The following MUC12 variants were observed in gnomAD, a reference collection of about 807,000 sequenced individuals.
MUC12 encodes mucin 12, cell surface associated, also known as mucin-12.
A neutral mutation model predicts 230.8 loss-of-function variants in MUC12; 172 were observed. That is an observed-to-expected ratio of 0.75 (90% CI 0.66 to 0.85). MUC12 has a LOEUF of 0.85. Ranked by LOEUF, MUC12 falls within the 40% of genes least tolerant of loss-of-function variation. MUC12 has a pLI of 0.00. For synonymous variants in MUC12, 1,259 were observed against 2,401.9 expected (o/e 0.52, Z 13.91); for missense variants, 3,506 against 5,920.6 (o/e 0.59, Z 13.38).
chr7:101,007,273 T>C lies in MUC12; in HGVS notation c.15058+701T>C, dbSNP rs144116671. On this transcript the variant is annotated intron_variant, in intron 3 of 11. Transcript: ENST00000536621. The stretch of plus-strand genomic sequence containing the variant: ...CGCGCCCAGCTATTTTAGTTGTTTT[T>C]AAATGTTCAATTAAATTATTATTGA... Among the ~76,000 whole-genome samples, 232 of 152,340 alleles carry C rather than the reference T, an allele frequency of 1.5e-3. 2 individuals are homozygous for C. The highest frequency in any genetic ancestry group is 5.1e-3 in the African/African-American group (214 of 41,576).
chr7:101,011,417 AC>A (rs1245286673), intron 5 of MUC12, among the ~76,000 whole-genome samples: 1 of 151,958 alleles, frequency 6.6e-6, no homozygotes, highest in African/African-American at 2.4e-5. Flanking sequence ...TTAGAAACTT[AC>A]CTTTTTCTTT....
intron 11 of MUC12, 64 bp from the exon 12 acceptor site, chr7:101,018,531 C>T (rs368318030): frequency 2.6e-6 from 4 of 1,509,744 alleles, no homozygotes; most frequent in Non-Finnish European, 3.6e-6. Context: ...CTCCCTCTTC[C>T]TCCTGGGGCT....
intron 1 of MUC12, among the ~76,000 whole-genome samples, chr7:100,981,170 T>G (rs1215496458): frequency 6.6e-6 from 1 of 152,236 alleles, no homozygotes; most frequent in African/African-American, 2.4e-5. Flanking sequence ...GTTGGCTATT[T>G]GAGTTTCTTT....
chr7:100,981,296 T>C (rs994405144), intron 1 of MUC12: 2 of 493,400 alleles, frequency 4.1e-6, no homozygotes, highest in Non-Finnish European at 7.2e-6. Flanking sequence ...GGGACACCGT[T>C]GCCACCAGAA....
At chr7:100,987,079 T>A (rs1040421309) in intron 1 of MUC12, among the ~76,000 whole-genome samples, 2 of 142,350 alleles carry the variant, frequency 1.4e-5, no homozygotes, top group Non-Finnish European at 3.0e-5. Flanking sequence ...TTTTTTTTTT[T>A]TTTTTGAGAC....
intron 5 of MUC12, among the ~76,000 whole-genome samples, chr7:101,010,304 C>A (rs1356555944): frequency 6.6e-6 from 1 of 151,842 alleles, no homozygotes; most frequent in Non-Finnish European, 1.5e-5. Context: ...GGAGTGGTTG[C>A]GTGATGCAGC....
rs763030240 is a variant in MUC12 at position 100,992,766 on chromosome 7, C to A, written c.2203C>A (p.Leu735Ile). The A allele has an allele frequency of 6.5e-7, 1 of 1,537,192 alleles. No homozygotes were observed. Among genetic ancestry groups the A allele is most frequent in the African/African-American group, 1.4e-5 (1 of 72,908 alleles). ...TTCAGCTCCTAGCACCACATCTGCC[C>A]TTGTTGAAGAACCTACCAGCTACCA... ...ISSAPSTTSALVEEPTSYHSS... is the reference protein window; with the variant it reads ...ISSAPSTTSAIVEEPTSYHSS... The change falls in exon 2 of 12, where the codon CTT becomes ATT. Residue 735 changes from leucine (L) to isoleucine (I), a missense_variant. By Grantham distance (5) the Leu-to-Ile change is conservative. Transcript: ENST00000536621.
rs1035237001 is a variant in MUC12, at chr7:101,004,686, T to G, written c.14123T>G (p.Ile4708Ser). 3.3e-6 allele frequency: 5 copies of G among 1,537,710 alleles called. No individual in the cohort carries two copies. Among genetic ancestry groups the G allele is most frequent in the Admixed American group, 3.9e-5 (2 of 50,982 alleles). The change falls in exon 2 of 12, where the codon ATT (isoleucine) becomes AGT (serine). Residue 4708 changes from isoleucine (I) to serine (S), a missense_variant. Ile to Ser is a moderately radical substitution (Grantham distance 142). Coordinates refer to ENST00000536621, the MANE Select transcript of MUC12 (RefSeq NM_001164462.2). ...LPAHFTTSGR[I>S]AESTTFYISP... Reference sequence around the variant, plus strand: ...GCCCATTTTACTACCTCAGGCCGCATTGCAGAATCTACCACCTTCTATATC... The same window carrying G: ...GCCCATTTTACTACCTCAGGCCGCAGTGCAGAATCTACCACCTTCTATATC...
chr7:100,986,224 G>T (rs1423615997), intron 1 of MUC12, among the ~76,000 whole-genome samples: 1 of 151,972 alleles, frequency 6.6e-6, no homozygotes, highest in Non-Finnish European at 1.5e-5. Context: ...AATTAGTGGG[G>T]CATGGTGGCA....
In MUC12 at chr7:100,992,169, T is replaced by C. The variant is rs745992825; in HGVS notation, c.1606T>C (p.Phe536Leu). ...ACCAGGCTCAACACACACAACAGCA[T>C]TCCCTGGCAGTACCACCATGCCAGG... ...SRPGSTHTTA[F>L]PGSTTMPGLS... The change falls in exon 2 of 12, where the codon TTC (phenylalanine) becomes CTC (leucine). Residue 536 changes from phenylalanine (F) to leucine (L), a missense_variant. Phe to Leu is a conservative substitution (Grantham distance 22). Coordinates refer to ENST00000536621, the MANE Select transcript of MUC12 (RefSeq NM_001164462.2). The C allele has an allele frequency of 7.7e-5, 119 of 1,537,750 alleles. No individual in the cohort carries two copies. The Middle Eastern group carries it at 1.8e-3, about 24-fold the overall frequency.
rs944235452 is a variant in MUC12, at chr7:101,005,634, G to A, written c.14956+115G>A. 5 of 1,294,784 alleles carry A rather than the reference G, an allele frequency of 3.9e-6. No homozygotes were observed. In the African/African-American group the frequency reaches 7.5e-5, roughly 19 times the overall value. The allele number at this position is 1,294,784 out of a possible 1,614,324, so 80.2% of individuals were successfully genotyped here. A position where few individuals can be genotyped will look rare whatever the true frequency, so the allele number is the denominator to read the frequency against. On this transcript the variant is annotated intron_variant, in intron 2 of 11. Transcript: ENST00000536621. ...TTTCCTCTGTCTTCCACTTTACTTGGGTCTACCGATTATCCAGTTTCTGGG... is the reference window on the plus strand; with the variant it reads ...TTTCCTCTGTCTTCCACTTTACTTGAGTCTACCGATTATCCAGTTTCTGGG...
chr7:100,991,037 C>A lies in MUC12; in HGVS notation c.474C>A (p.Ser158Arg). ...CACTCTCACCTGCCCGCACGACAAG[C>A]TCAGGCGTCAGTGAAAAATCAACCA... is the stretch of plus-strand genomic sequence containing the variant. The part of the protein sequence containing the change: ...DRTLSPARTT[S>R]SGVSEKSTTS... The change falls in exon 2 of 12, where the codon AGC becomes AGA. Residue 158 changes from serine (S) to arginine (R), a missense_variant. By Grantham distance (110) the Ser-to-Arg change is moderately radical. Transcript: ENST00000536621. 6.5e-7 allele frequency: 1 copy of A among 1,537,886 alleles called. No homozygotes were observed. Among genetic ancestry groups the A allele is most frequent in the Non-Finnish European group, 8.7e-7 (1 of 1,147,052 alleles).
rs1419645050 is a variant in MUC12 at position 101,004,393 on chromosome 7, C to T, written c.13830C>T (p.Gly4610=). The T allele has an allele frequency of 7.4e-6, 11 of 1,491,540 alleles. No homozygotes were observed. Among genetic ancestry groups the T allele is most frequent in the African/African-American group, 1.6e-5 (1 of 61,156 alleles). The allele number at this position is 1,491,540 out of a possible 1,614,324, so 92.4% of individuals were successfully genotyped here. ...EESTAYHSSP[G]STQTMHFPES... is the part of the protein sequence containing the mutation. ...CTACGGCGTACCACAGCAGCCCGGGCTCAACTCAAACAATGCACTTCCCTG... is the reference window on the plus strand; with the variant it reads ...CTACGGCGTACCACAGCAGCCCGGGTTCAACTCAAACAATGCACTTCCCTG... The change falls in exon 2 of 12, where the codon GGC becomes GGT. Residue 4610 remains glycine (G), a synonymous_variant. Transcript: ENST00000536621.
chr7:100,986,224 G>A (rs1423615997), intron 1 of MUC12, among the ~76,000 whole-genome samples: 3 of 151,972 alleles, frequency 2.0e-5, no homozygotes, highest in Non-Finnish European at 4.4e-5. Context: ...AATTAGTGGG[G>A]CATGGTGGCA....
chr7:100,990,103 G>A (rs1054407636), intron 1 of MUC12, among the ~76,000 whole-genome samples: 8 of 152,126 alleles, frequency 5.3e-5, no homozygotes, highest in Non-Finnish European at 1.2e-4. Flanking sequence ...TCTATAACAG[G>A]GGTCCCCAAC....
chr7:101,010,042 A>C (rs1426580643), intron 5 of MUC12, among the ~76,000 whole-genome samples: 1 of 152,182 alleles, frequency 6.6e-6, no homozygotes, highest in East Asian at 1.9e-4. Flanking sequence ...GGCCTACACC[A>C]GATAGGTGAC....
In MUC12 at chr7:101,015,991, G is replaced by T. The variant is rs192300160; in HGVS notation, c.15877+300G>T. Among the ~76,000 whole-genome samples, 9 of 152,272 alleles carry T rather than the reference G, an allele frequency of 5.9e-5. No homozygotes were observed. In the East Asian group the frequency reaches 1.7e-3, roughly 29 times the overall value. On this transcript the variant is annotated intron_variant, in intron 10 of 11. Transcript: ENST00000536621. The stretch of plus-strand genomic sequence containing the variant: ...ATTCCCAGGGCAGAGGGAGCAGAGG[G>T]GTGGACCTGACCCAGCCTGGGTGGG...
At chr7:100,973,015 A>T in intron 1 of MUC12, 1 of 703,076 alleles carries the variant, frequency 1.4e-6, no homozygotes, top group Non-Finnish European at 2.6e-6. Context: ...ATGGAGCGTG[A>T]TGTTTGCTGG....
At chr7:100,988,842 T>G (rs138368031) in intron 1 of MUC12, among the ~76,000 whole-genome samples, 1 of 152,264 alleles carries the variant, frequency 6.6e-6, no homozygotes, top group African/African-American at 2.4e-5. Context: ...GGGAGATAAT[T>G]GAATCATTGG....
Sources: gnomAD v4.1 joint callset for allele counts (sites outside exome capture counted in the v4.1 genomes callset) on GRCh38, gnomAD v4.1.1 for gene constraint, MANE v1.5 for transcripts, NCBI Gene and HGNC (gene_info 2026-07-23, HGNC 2026-07-21) for gene names.